Variants in OR2A5 observed in about 807,000 individuals in gnomAD.
The protein encoded by OR2A5 is olfactory receptor family 2 subfamily A member 5.
OR2A5 carries 2 observed loss-of-function variants against 1.9 expected under a neutral mutation model. That is an observed-to-expected ratio of 1.04 (90% CI 0.43 to 3.28). The LOEUF is 3.28. OR2A5 is among the 30% of genes most tolerant of loss of function. The probability of loss-of-function intolerance (pLI) is 0.08; values close to 1 mark genes in which losing one functional copy is unlikely to be tolerated. For missense variants in OR2A5, 391 were observed against 375.9 expected (o/e 1.04, Z -0.33); for synonymous variants, 160 against 154.5 (o/e 1.04, Z -0.26).
In OR2A5 at chr7:144,057,272, T is replaced by C. The variant is rs2050948384; in HGVS notation, c.*5935T>C. 1 of 152,138 alleles carries C rather than the reference T, an allele frequency of 6.6e-6. No homozygotes were observed. The highest frequency in any genetic ancestry group is 2.4e-5 in the African/African-American group (1 of 41,432). The allele number at this position is 152,138 out of a possible 1,614,324, so 9.4% of individuals were successfully genotyped here. A position where few individuals can be genotyped will look rare whatever the true frequency, so the allele number is the denominator to read the frequency against. On this transcript the variant is annotated 3_prime_UTR_variant, in exon 2 of 2. Transcript: ENST00000641693. The stretch of plus-strand genomic sequence containing the variant: ...AATGGAATAAAAAGCACATAGAATC[T>C]AGACTCAGATATAATATCTATTTAT...
In OR2A5 at chr7:144,051,133, C is replaced by T; in HGVS notation, c.732C>T (p.His244=). The change falls in exon 2 of 2, where the codon CAC becomes CAT. Residue 244 remains histidine (H), a synonymous_variant. Coordinates refer to ENST00000641693, the MANE Select transcript of OR2A5 (RefSeq NM_012365.2). ...AGGCCTTCTCCACCTGCTCCTCCCA[C>T]CTTTGCATGGTGGGACTCTTCTTTG... is the stretch of plus-strand genomic sequence containing the variant. ...RRKAFSTCSS[H]LCMVGLFFGS... 2 of 1,614,230 alleles carry T rather than the reference C, an allele frequency of 1.2e-6. No individual in the cohort carries two copies. Among genetic ancestry groups the T allele is most frequent in the South Asian group, 1.1e-5 (1 of 91,088 alleles).
At position 144,058,171 on chromosome 7, in the gene OR2A5, G is replaced by A. The variant is rs929737787; in HGVS notation, c.*6834G>A. On this transcript the variant is annotated 3_prime_UTR_variant, in exon 2 of 2. Coordinates refer to ENST00000641693, the MANE Select transcript of OR2A5 (RefSeq NM_012365.2). Reference sequence around the variant, plus strand: ...CACATGAGTCACTGGTCAGCTCAGCGGCTATCCCGACCTGCTGCCTGACTC... The same window carrying A: ...CACATGAGTCACTGGTCAGCTCAGCAGCTATCCCGACCTGCTGCCTGACTC... The A allele has an allele frequency of 3.9e-5, 6 of 152,176 alleles. No homozygotes were observed. Among genetic ancestry groups the A allele is most frequent in the Non-Finnish European group, 8.8e-5 (6 of 68,048 alleles). 9.4% of individuals were successfully genotyped at this position (152,176 alleles called of 1,614,324 possible).
rs1462110498 is a variant in OR2A5 at position 144,051,740 on chromosome 7, T to C, written c.*403T>C. On this transcript the variant is annotated 3_prime_UTR_variant, in exon 2 of 2. Coordinates refer to ENST00000641693, the MANE Select transcript of OR2A5 (RefSeq NM_012365.2). ...ACTTGTAATCACACAGAATAAATAC[T>C]GACCTTGGTTAAGCAGCCCTCTACT... 2 of 171,118 alleles carry C rather than the reference T, an allele frequency of 1.2e-5. No homozygotes were observed. The highest frequency in any genetic ancestry group is 1.4e-4 in the South Asian group (1 of 7,086). 10.6% of individuals were successfully genotyped at this position (171,118 alleles called of 1,614,324 possible).
In OR2A5 at chr7:144,051,709, G is replaced by C. The variant is rs1230666862; in HGVS notation, c.*372G>C. ...AATCCCATACCATATGCTACTATAA[G>C]AGAGTACTTGTAATCACACAGAATA... On this transcript the variant is annotated 3_prime_UTR_variant, in exon 2 of 2. Coordinates refer to ENST00000641693, the MANE Select transcript of OR2A5 (RefSeq NM_012365.2). 2.0e-5 allele frequency: 4 copies of C among 202,288 alleles called. No homozygotes were observed. Among genetic ancestry groups the C allele is most frequent in the Non-Finnish European group, 3.0e-5 (3 of 98,994 alleles). 12.5% of individuals were successfully genotyped at this position (202,288 alleles called of 1,614,324 possible). A position where few individuals can be genotyped will look rare whatever the true frequency, so the allele number is the denominator to read the frequency against.
rs1408343287 is a variant in OR2A5 at position 144,054,304 on chromosome 7, A to G, written c.*2967A>G. 2.6e-5 allele frequency: 4 copies of G among 152,238 alleles called. No homozygotes were observed. Among genetic ancestry groups the G allele is most frequent in the Non-Finnish European group, 1.5e-5 (1 of 68,036 alleles). The allele number at this position is 152,238 out of a possible 1,614,324, so 9.4% of individuals were successfully genotyped here. ...ACAAGGTTTCAGCTAGGTGCCTTAT[A>G]TAACTTTTATGAATGCTAAATGAAA... On this transcript the variant is annotated 3_prime_UTR_variant, in exon 2 of 2. Transcript: ENST00000641693.
In OR2A5 at chr7:144,054,577, T is replaced by C. The variant is rs2050926244; in HGVS notation, c.*3240T>C. 6.6e-6 allele frequency: 1 copy of C among 152,230 alleles called. No homozygotes were observed. The highest frequency in any genetic ancestry group is 1.5e-5 in the Non-Finnish European group (1 of 68,042). 9.4% of individuals were successfully genotyped at this position (152,230 alleles called of 1,614,324 possible). A position where few individuals can be genotyped will look rare whatever the true frequency, so the allele number is the denominator to read the frequency against. On this transcript the variant is annotated 3_prime_UTR_variant, in exon 2 of 2. Coordinates refer to ENST00000641693, the MANE Select transcript of OR2A5 (RefSeq NM_012365.2). The stretch of plus-strand genomic sequence containing the variant: ...AACTTTCTGTGCCTGTCTTTGTTTT[T>C]ATTTGGTTGGTGATATTGGGGAAGG...
At position 144,051,170 on chromosome 7, in the gene OR2A5, G is replaced by T; in HGVS notation, c.769G>T (p.Val257Phe). The change falls in exon 2 of 2, where the codon GTC becomes TTC. Residue 257 changes from valine to phenylalanine, a missense_variant. By Grantham distance (50) the Val-to-Phe change is conservative. Transcript: ENST00000641693. ...MVGLFFGSAI[V>F]MYMAPKSRHP... is the part of the protein sequence containing the mutation. ...GGGACTCTTCTTTGGCAGCGCCATTGTCATGTACATGGCCCCCAAGTCCCG... is the reference window on the plus strand; with the variant it reads ...GGGACTCTTCTTTGGCAGCGCCATTTTCATGTACATGGCCCCCAAGTCCCG... The T allele has an allele frequency of 6.2e-7, 1 of 1,614,176 alleles. No individual in the cohort carries two copies. Among genetic ancestry groups the T allele is most frequent in the Non-Finnish European group, 8.5e-7 (1 of 1,180,038 alleles).
Position 144,050,741 on chromosome 7 carries a change from A to G in OR2A5, c.340A>G (p.Ile114Val). The change falls in exon 2 of 2, where the codon ATC becomes GTC. Residue 114 changes from isoleucine to valine, a missense_variant. By Grantham distance (29) the Ile-to-Val change is conservative (BLOSUM62 3). Coordinates refer to ENST00000641693, the MANE Select transcript of OR2A5 (RefSeq NM_012365.2). ...GGCTTTTGCTCACACTGAGTGTCTC[A>G]TCTTGGTAATGATGTCCTACGATCG... The part of the protein sequence containing the change: ...YMAFAHTECL[I>V]LVMMSYDRYM... 6.2e-7 allele frequency: 1 copy of G among 1,614,140 alleles called. No homozygotes were observed. The highest frequency in any genetic ancestry group is 8.5e-7 in the Non-Finnish European group (1 of 1,179,988).
chr7:144,050,400 G>T lies in OR2A5; in HGVS notation c.-2G>T, dbSNP rs369579838. On this transcript the variant is annotated 5_prime_UTR_variant, in exon 2 of 2. Transcript: ENST00000641693. ...GTCCAACGCAGGTACTGTCACAAGG[G>T]CATGACAAAAAATCAGACATGGGTC... is the stretch of plus-strand genomic sequence containing the variant. The T allele has an allele frequency of 7.4e-5, 113 of 1,531,876 alleles. No homozygotes were observed. Among genetic ancestry groups the T allele is most frequent in the Non-Finnish European group, 9.4e-5 (107 of 1,142,934 alleles). 94.9% of individuals were successfully genotyped at this position (1,531,876 alleles called of 1,614,324 possible).
In OR2A5 at chr7:144,055,961, A is replaced by T. The variant is rs952860951; in HGVS notation, c.*4624A>T. Reference sequence around the variant, plus strand: ...AGCAGTGACAGATTAAACCACAAGGAGAGGAAATGAAAAAGACAAAATTAG... The same window carrying T: ...AGCAGTGACAGATTAAACCACAAGGTGAGGAAATGAAAAAGACAAAATTAG... On this transcript the variant is annotated 3_prime_UTR_variant, in exon 2 of 2. Coordinates refer to ENST00000641693, the MANE Select transcript of OR2A5 (RefSeq NM_012365.2). The T allele has an allele frequency of 7.9e-5, 12 of 152,338 alleles. No individual in the cohort carries two copies. Among genetic ancestry groups the T allele is most frequent in the Admixed American group, 7.2e-4 (11 of 15,278 alleles). 9.4% of individuals were successfully genotyped at this position (152,338 alleles called of 1,614,324 possible).
Position 144,056,228 on chromosome 7 carries a change from A to AAT in OR2A5, c.*4892_*4893dup, listed in dbSNP as rs1263232019. 2.0e-5 allele frequency: 3 copies of AAT among 152,230 alleles called. No homozygotes were observed. Among genetic ancestry groups the AAT allele is most frequent in the Non-Finnish European group, 2.9e-5 (2 of 68,084 alleles). 9.4% of individuals were successfully genotyped at this position (152,230 alleles called of 1,614,324 possible). A position where few individuals can be genotyped will look rare whatever the true frequency, so the allele number is the denominator to read the frequency against. On this transcript the variant is annotated 3_prime_UTR_variant, in exon 2 of 2. Coordinates refer to ENST00000641693, the MANE Select transcript of OR2A5 (RefSeq NM_012365.2). ...GAGGGACTGACTTCCTTTGCTTACT[A>AAT]ATGAAGACCAAAAAATGTACTGTGC...
At position 144,058,818 on chromosome 7, in the gene OR2A5, A is replaced by C. The variant is rs1020111604; in HGVS notation, c.*7481A>C. ...AGGCTGAGGCAGAAGAATCGCTTGAACCCAGGAGGCGGAGGTTGCAGTGAG... is the reference window on the plus strand; with the variant it reads ...AGGCTGAGGCAGAAGAATCGCTTGACCCCAGGAGGCGGAGGTTGCAGTGAG... On this transcript the variant is annotated 3_prime_UTR_variant, in exon 2 of 2. Coordinates refer to ENST00000641693, the MANE Select transcript of OR2A5 (RefSeq NM_012365.2). 5 of 152,190 alleles carry C rather than the reference A, an allele frequency of 3.3e-5. No homozygotes were observed. The highest frequency in any genetic ancestry group is 1.2e-4 in the African/African-American group (5 of 41,382). The allele number at this position is 152,190 out of a possible 1,614,324, so 9.4% of individuals were successfully genotyped here.
At position 144,052,554 on chromosome 7, in the gene OR2A5, T is replaced by C. The variant is rs933291748; in HGVS notation, c.*1217T>C. 12 of 152,314 alleles carry C rather than the reference T, an allele frequency of 7.9e-5. No individual in the cohort carries two copies. Among genetic ancestry groups the C allele is most frequent in the Middle Eastern group, 3.4e-3 (1 of 294 alleles). The allele number at this position is 152,314 out of a possible 1,614,324, so 9.4% of individuals were successfully genotyped here. On this transcript the variant is annotated 3_prime_UTR_variant, in exon 2 of 2. Transcript: ENST00000641693. ...AATATATTCTTATCACTTCATATAT[T>C]TCTTCTTCCATGAAAGAAAGAAGCA...
chr7:144,050,740 C>T lies in OR2A5; in HGVS notation c.339C>T (p.Leu113=), dbSNP rs367677338. ...TGGCTTTTGCTCACACTGAGTGTCT[C>T]ATCTTGGTAATGATGTCCTACGATC... ...LYMAFAHTEC[L]ILVMMSYDRY... The change falls in exon 2 of 2, where the codon CTC becomes CTT. Residue 113 remains leucine (L), a synonymous_variant. Transcript: ENST00000641693. 6 of 1,614,094 alleles carry T rather than the reference C, an allele frequency of 3.7e-6. No individual in the cohort carries two copies. In the African/African-American group the frequency reaches 4.0e-5, roughly 11 times the overall value.
chr7:144,049,321 G>A (rs555637193), intron 1 of OR2A5, among the ~76,000 whole-genome samples, 188 bp downstream of exon 1: 7 of 152,286 alleles, frequency 4.6e-5, no homozygotes, highest in Admixed American at 2.6e-4. Flanking sequence ...TGAGAATGAC[G>A]CATTGATCAT....
rs1445242317 is a variant in OR2A5 at position 144,055,755 on chromosome 7, G to C, written c.*4418G>C. The C allele has an allele frequency of 2.0e-5, 3 of 152,282 alleles. No individual in the cohort carries two copies. Among genetic ancestry groups the C allele is most frequent in the Middle Eastern group, 6.8e-3 (2 of 294 alleles). The allele number at this position is 152,282 out of a possible 1,614,324, so 9.4% of individuals were successfully genotyped here. A position where few individuals can be genotyped will look rare whatever the true frequency, so the allele number is the denominator to read the frequency against. On this transcript the variant is annotated 3_prime_UTR_variant, in exon 2 of 2. Coordinates refer to ENST00000641693, the MANE Select transcript of OR2A5 (RefSeq NM_012365.2). The stretch of plus-strand genomic sequence containing the variant: ...CTCAATGACTTTTGCCTTAAACACA[G>C]GCACAGGGGCTTGCACATGTAATCC...
At chr7:144,049,652 G>A (rs1311591449) in intron 1 of OR2A5, among the ~76,000 whole-genome samples, 1 of 152,234 alleles carries the variant, frequency 6.6e-6, no homozygotes, top group Non-Finnish European at 1.5e-5. Flanking sequence ...TCTTCACATA[G>A]ATAACCACTT....
At position 144,053,447 on chromosome 7, in the gene OR2A5, T is replaced by G. The variant is rs987992603; in HGVS notation, c.*2110T>G. The G allele has an allele frequency of 6.6e-6, 1 of 152,218 alleles. No homozygotes were observed. Among genetic ancestry groups the G allele is most frequent in the South Asian group, 2.1e-4 (1 of 4,836 alleles). The allele number at this position is 152,218 out of a possible 1,614,324, so 9.4% of individuals were successfully genotyped here. ...CAATTGCATTGTTTTAGGCTGCAAG[T>G]TCTACTGACTGCTTCACAAATGTTA... On this transcript the variant is annotated 3_prime_UTR_variant, in exon 2 of 2. Transcript: ENST00000641693.
Position 144,056,443 on chromosome 7 carries a change from C to T in OR2A5, c.*5106C>T, listed in dbSNP as rs1481053437. ...GGATAGGAAGCCCAAAGAGCTGGGC[C>T]AAGACAACCCCTGAGCTTCTAGATG... On this transcript the variant is annotated 3_prime_UTR_variant, in exon 2 of 2. Coordinates refer to ENST00000641693, the MANE Select transcript of OR2A5 (RefSeq NM_012365.2). 6.6e-6 allele frequency: 1 copy of T among 152,032 alleles called. No individual in the cohort carries two copies. The highest frequency in any genetic ancestry group is 2.4e-5 in the African/African-American group (1 of 41,370). 9.4% of individuals were successfully genotyped at this position (152,032 alleles called of 1,614,324 possible).
Sources: gnomAD v4.1 joint callset for allele counts (sites outside exome capture counted in the v4.1 genomes callset) on GRCh38, gnomAD v4.1.1 for gene constraint, MANE v1.5 for transcripts, NCBI Gene and HGNC (gene_info 2026-07-23, HGNC 2026-07-21) for gene names.